PABPC4L: variants seen among roughly 807,000 people sequenced by gnomAD.
PABPC4L encodes polyadenylate-binding protein 4-like.
For missense variants in PABPC4L, 452 were observed against 451.4 expected (o/e 1.00, Z -0.01); for synonymous variants, 169 against 164.1 (o/e 1.03, Z -0.23).
the PABPC4L span, among the ~76,000 whole-genome samples, chr4:134,129,031 T>C: frequency 6.6e-6 from 1 of 152,084 alleles, no homozygotes; most frequent in Admixed American, 6.6e-5. Context: ...GCTATTCTTA[T>C]ATCAGACAAA....
the PABPC4L span, among the ~76,000 whole-genome samples, chr4:133,969,443 T>C: frequency 6.6e-6 from 1 of 152,180 alleles, no homozygotes; most frequent in Non-Finnish European, 1.5e-5. Context: ...GCATTTAGGC[T>C]GAATTTCATC....
Position 134,201,162 on chromosome 4 carries a change from C to T in PABPC4L, c.-143G>A, listed in dbSNP as rs1729867675. 1.9e-6 allele frequency: 3 copies of T among 1,549,374 alleles called. No homozygotes were observed. Among genetic ancestry groups the T allele is most frequent in the East Asian group, 4.9e-5 (2 of 40,836 alleles). ...CAAAGGCCAAGCAATGGAGTTCAGA[C>T]ACGACTCCCCCAGCTCAGGCAACAC... is the stretch of plus-strand genomic sequence containing the variant. On this transcript the variant is annotated 5_prime_UTR_variant, in exon 2 of 2. Transcript: ENST00000421491.
chr4:133,952,673 G>C, the PABPC4L span, among the ~76,000 whole-genome samples: 1 of 152,008 alleles, frequency 6.6e-6, no homozygotes, highest in East Asian at 1.9e-4. Context: ...ATCCTCCCCT[G>C]TTGCCTTCCT....
chr4:134,018,879 T>C, the PABPC4L span, among the ~76,000 whole-genome samples: 1 of 152,182 alleles, frequency 6.6e-6, no homozygotes, highest in Non-Finnish European at 1.5e-5. Context: ...ATTTGATTTC[T>C]TTATTGAATT....
At chr4:134,102,295 G>A in the PABPC4L span, among the ~76,000 whole-genome samples, 2 of 151,272 alleles carry the variant, frequency 1.3e-5, no homozygotes, top group Non-Finnish European at 3.0e-5. Flanking sequence ...ATATAATAAT[G>A]TTATAAGTTT....
the PABPC4L span, among the ~76,000 whole-genome samples, chr4:134,060,979 C>T: frequency 6.6e-6 from 1 of 151,786 alleles, no homozygotes; most frequent in Non-Finnish European, 1.5e-5. Context: ...ACAAAAAATA[C>T]CTTGAAAGAA....
chr4:134,093,102 C>T, the PABPC4L span, among the ~76,000 whole-genome samples: 1 of 151,134 alleles, frequency 6.6e-6, no homozygotes, highest in Non-Finnish European at 1.5e-5. Flanking sequence ...CTCTCATTCT[C>T]CCACTTTTCT....
the PABPC4L span, among the ~76,000 whole-genome samples, chr4:134,178,206 A>T: frequency 9.9e-5 from 15 of 152,208 alleles, no homozygotes; most frequent in Admixed American, 8.5e-4. Flanking sequence ...CCTGCCTGTG[A>T]GAACTCACGA....
At chr4:134,062,106 G>GAAAAAA in the PABPC4L span, among the ~76,000 whole-genome samples, 1 of 144,462 alleles carries the variant, frequency 6.9e-6, no homozygotes. Context: ...GTATGAAAAA[G>GAAAAAA]AAAAAAAAAA....
the PABPC4L span, among the ~76,000 whole-genome samples, chr4:134,127,581 C>A: frequency 6.6e-6 from 1 of 152,178 alleles, no homozygotes; most frequent in African/African-American, 2.4e-5. Context: ...TCTCAGGAAG[C>A]CCCATCCCTA....
At chr4:134,094,230 A>T in the PABPC4L span, among the ~76,000 whole-genome samples, 1 of 151,226 alleles carries the variant, frequency 6.6e-6, no homozygotes, top group African/African-American at 2.4e-5. Flanking sequence ...ATAGTCCTTA[A>T]TTTTTTCCAT....
the PABPC4L span, among the ~76,000 whole-genome samples, chr4:134,147,746 TGTG>T: frequency 2.5e-5 from 2 of 79,350 alleles, no homozygotes; most frequent in Admixed American, 1.6e-4. Flanking sequence ...TGTGTGTGTG[TGTG>T]TGTTGTTGTT....
the PABPC4L span, among the ~76,000 whole-genome samples, chr4:134,043,776 C>A: frequency 6.6e-6 from 1 of 151,982 alleles, no homozygotes; most frequent in African/African-American, 2.4e-5. Flanking sequence ...TTGAAAATAG[C>A]ACAACTGACC....
the PABPC4L span, among the ~76,000 whole-genome samples, chr4:134,114,524 C>T: frequency 5.9e-5 from 9 of 151,758 alleles, no homozygotes; most frequent in Non-Finnish European, 1.2e-4. Context: ...TAATACTCAA[C>T]CAATGAGGAA....
the PABPC4L span, among the ~76,000 whole-genome samples, chr4:134,044,560 G>A: frequency 1.2e-3 from 180 of 152,198 alleles, no homozygotes; most frequent in Non-Finnish European, 2.1e-3. Context: ...CACCAGGCCC[G>A]GCCATTTTAC....
the PABPC4L span, among the ~76,000 whole-genome samples, chr4:134,078,583 T>C: frequency 6.6e-6 from 1 of 151,838 alleles, no homozygotes; most frequent in African/African-American, 2.4e-5. Context: ...AAGACTCCAG[T>C]GACAGGAAAA....
the PABPC4L span, among the ~76,000 whole-genome samples, chr4:134,176,294 T>C: frequency 1.3e-5 from 2 of 152,014 alleles, no homozygotes; most frequent in Admixed American, 6.6e-5. Context: ...ATATCATTTA[T>C]AGAAATAAGT....
the PABPC4L span, among the ~76,000 whole-genome samples, chr4:134,123,527 T>C: frequency 6.5e-3 from 985 of 152,136 alleles, 9 homozygotes; most frequent in African/African-American, 0.022. Flanking sequence ...TGAGCATCGA[T>C]TTAGTGGTTA....
At chr4:134,093,020 A>G in the PABPC4L span, among the ~76,000 whole-genome samples, 3 of 152,066 alleles carry the variant, frequency 2.0e-5, no homozygotes, top group African/African-American at 7.2e-5. Context: ...CTATTTGAAT[A>G]GAGAAAAGTA....
Sources: allele counts gnomAD v4.1 joint callset (sites outside exome capture counted in the v4.1 genomes callset), GRCh38; gene constraint gnomAD v4.1.1; transcripts MANE v1.5; gene names NCBI Gene and HGNC (gene_info 2026-07-23, HGNC 2026-07-21).